Variants in TPRG1 observed in about 807,000 individuals in gnomAD.
TPRG1 encodes tumor protein p63-regulated gene 1 protein.
Under a neutral mutation model 29.3 loss-of-function variants are expected in TPRG1, and 29 were observed. That is an observed-to-expected ratio of 0.99 (90% confidence interval 0.74 to 1.35). TPRG1 has a LOEUF of 1.35. Ranked by LOEUF, TPRG1 falls within the 40% of genes most tolerant of loss-of-function variation. The probability of loss-of-function intolerance (pLI) is 0.00; values close to 1 mark genes in which losing one functional copy is unlikely to be tolerated. For missense variants in TPRG1, 327 were observed against 335.0 expected (o/e 0.98, Z 0.19); for synonymous variants, 130 against 116.8 (o/e 1.11, Z -0.73).
chr3:189,021,327 C>T (rs892529895), intron 3 of TPRG1, among the ~76,000 whole-genome samples: 52 of 151,568 alleles, frequency 3.4e-4, no homozygotes, highest in Middle Eastern at 6.8e-3. Flanking sequence ...TTCCTAGTCT[C>T]GATGGTCTTT....
intron 4 of TPRG1, among the ~76,000 whole-genome samples, chr3:189,275,935 T>C (rs1716063551): frequency 6.6e-6 from 1 of 152,080 alleles, no homozygotes; most frequent in African/African-American, 2.4e-5. Flanking sequence ...GCAAATACAA[T>C]AATTTTCATA....
intron 1 of TPRG1, among the ~76,000 whole-genome samples, chr3:189,184,095 G>A (rs146806832): frequency 6.6e-6 from 1 of 152,224 alleles, no homozygotes; most frequent in African/African-American, 2.4e-5. Flanking sequence ...TTCTGCCATG[G>A]CTTTAGCCAG....
chr3:189,307,366 A>G (rs1333413759), intron 4 of TPRG1, among the ~76,000 whole-genome samples: 3 of 152,176 alleles, frequency 2.0e-5, no homozygotes, highest in Non-Finnish European at 4.4e-5. Flanking sequence ...CTTGTTTGTA[A>G]TTGTCTCCTT....
intron 4 of TPRG1, 166 bp from the exon 5 acceptor site, chr3:189,310,220 T>G: frequency 2.1e-6 from 1 of 482,276 alleles, no homozygotes; most frequent in South Asian, 5.1e-5. Context: ...ACCTTGAATT[T>G]CCTATTTTTA....
intron 5 of TPRG1, among the ~76,000 whole-genome samples, chr3:189,315,278 T>TTGTG (rs34255648): frequency 0.03 from 4,362 of 143,452 alleles, 124 homozygotes; most frequent in African/African-American, 0.075. Context: ...CCTGAAAGAA[T>TTGTG]TGTGTGTGTG....
chr3:189,211,661 T>C (rs1396289280), intron 2 of TPRG1: 1 of 152,168 alleles, frequency 6.6e-6, no homozygotes, highest in South Asian at 2.1e-4. Flanking sequence ...TAGAAGGGTC[T>C]TGAAGAATAT....
intron 1 of TPRG1, among the ~76,000 whole-genome samples, chr3:189,193,929 C>T (rs543139171): frequency 9.7e-5 from 14 of 144,818 alleles, no homozygotes; most frequent in South Asian, 2.4e-4. Context: ...TTATTGAGGT[C>T]GGCTACTAGA....
At position 189,187,296 on chromosome 3, in the gene TPRG1, CT is replaced by C. The variant is rs199752309; in HGVS notation, c.-10+15173del. 8.4e-3 allele frequency among the ~76,000 whole-genome samples: 1,245 copies of C among 148,298 alleles called. 20 individuals carry two copies. Among genetic ancestry groups the C allele is most frequent in the African/African-American group, 0.03 (1,196 of 40,242 alleles). On this transcript the variant is annotated intron_variant, in intron 1 of 5. Coordinates refer to ENST00000345063, the MANE Select transcript of TPRG1 (RefSeq NM_198485.4). ...AGCCACCCCGGCCAAGTTCATCTAACTTTTTTTTGTTTGTTTTTTGTTTTTT... is the reference window on the plus strand; with the variant it reads ...AGCCACCCCGGCCAAGTTCATCTAACTTTTTTTGTTTGTTTTTTGTTTTTT...
intron 4 of TPRG1, among the ~76,000 whole-genome samples, chr3:189,248,856 T>A (rs184140818): frequency 4.0e-5 from 6 of 151,452 alleles, no homozygotes; most frequent in East Asian, 1.9e-4. Flanking sequence ...AATTTTTTTT[T>A]ATCAATTTCT....
chr3:189,082,594 C>T (rs1418344385), intron 4 of TPRG1, among the ~76,000 whole-genome samples: 3 of 152,160 alleles, frequency 2.0e-5, no homozygotes, highest in African/African-American at 7.2e-5. Flanking sequence ...AGATTTGTGA[C>T]ATCTTACACT....
chr3:189,249,107 G>A (rs1395062585), intron 4 of TPRG1, among the ~76,000 whole-genome samples: 1 of 151,006 alleles, frequency 6.6e-6, no homozygotes, highest in Non-Finnish European at 1.5e-5. Context: ...ATCTTGGTCT[G>A]TTTAGTAATA....
intron 1 of TPRG1, among the ~76,000 whole-genome samples, chr3:189,195,688 T>G (rs1223595307): frequency 6.6e-6 from 1 of 152,204 alleles, no homozygotes; most frequent in Non-Finnish European, 1.5e-5. Context: ...TGAGCACAGC[T>G]GGGGATCCCA....
intron 1 of TPRG1, among the ~76,000 whole-genome samples, chr3:189,114,511 G>C (rs937275416): frequency 5.3e-5 from 8 of 152,236 alleles, no homozygotes; most frequent in African/African-American, 1.7e-4. Flanking sequence ...TTGAATTCCT[G>C]ACCTCAGGTG....
At chr3:189,289,832 A>G (rs1015451982) in intron 4 of TPRG1, among the ~76,000 whole-genome samples, 5 of 152,170 alleles carry the variant, frequency 3.3e-5, no homozygotes, top group Non-Finnish European at 7.3e-5. Flanking sequence ...TCTATTATCT[A>G]CTTATGCTTT....
chr3:189,284,025 A>G, intron 4 of TPRG1, among the ~76,000 whole-genome samples: 1 of 152,166 alleles, frequency 6.6e-6, no homozygotes, highest in East Asian at 1.9e-4. Flanking sequence ...GGGCAATGAT[A>G]TTTAACAAAA....
intron 4 of TPRG1, among the ~76,000 whole-genome samples, chr3:189,078,630 C>T (rs1397065296): frequency 1.3e-5 from 2 of 152,142 alleles, no homozygotes; most frequent in Non-Finnish European, 2.9e-5. Context: ...TTTCTCTTGT[C>T]ATGAATTCAG....
At chr3:189,149,317 A>C (rs1725646708) in intron 4 of TPRG1, among the ~76,000 whole-genome samples, 1 of 152,186 alleles carries the variant, frequency 6.6e-6, no homozygotes, top group Non-Finnish European at 1.5e-5. Context: ...TGTGCAGCAC[A>C]GATAATCTAT....
intron 1 of TPRG1, chr3:189,120,109 G>A (rs1338291444): frequency 1.3e-5 from 2 of 152,230 alleles, no homozygotes; most frequent in African/African-American, 4.8e-5. Flanking sequence ...ACAAATATCA[G>A]TATCTGTCAG....
chr3:189,037,731 T>A (rs1384965073), intron 4 of TPRG1, among the ~76,000 whole-genome samples: 2 of 151,866 alleles, frequency 1.3e-5, no homozygotes, highest in Admixed American at 6.6e-5. Context: ...AGATTTTGTA[T>A]ACAACTAGTA....
Sources: gnomAD v4.1 joint callset for allele counts (sites outside exome capture counted in the v4.1 genomes callset) on GRCh38, gnomAD v4.1.1 for gene constraint, MANE v1.5 for transcripts, NCBI Gene and HGNC (gene_info 2026-07-23, HGNC 2026-07-21) for gene names.